Variants in HIPK3 observed in about 807,000 individuals in gnomAD.
HIPK3 encodes the protein homeodomain-interacting protein kinase 3.
HIPK3 carries 47 observed loss-of-function variants against 124.2 expected under a neutral mutation model. The ratio of observed to expected loss-of-function variants is 0.38; its 90% CI spans 0.30 to 0.48. The LOEUF (loss-of-function observed/expected upper bound fraction) is 0.48. Ranked by LOEUF, HIPK3 falls within the 20% of genes least tolerant of loss-of-function variation. The pLI, the probability that HIPK3 is intolerant of heterozygous loss-of-function variation, is 0.98. For synonymous variants in HIPK3, 482 were observed against 515.2 expected (o/e 0.94, Z 0.87); for missense variants, 1,286 against 1,454.3 (o/e 0.88, Z 1.88).
At chr11:33,256,841 C>A, upstream of HIPK3, 1 of 292,096 alleles carries the variant, frequency 3.4e-6, no homozygotes, top group Non-Finnish European at 5.1e-6. Context: ...TTGAACCTGG[C>A]TTTACAATTC....
At chr11:33,268,616 A>AG (rs1851040054) in intron 1 of HIPK3, among the ~76,000 whole-genome samples, 1 of 139,368 alleles carries the variant, frequency 7.2e-6, no homozygotes, top group Admixed American at 7.2e-5. Context: ...AAAAAAAAAA[A>AG]TTAAAAAAAG....
chr11:33,352,233 G>A lies in HIPK3; in HGVS notation c.3139G>A (p.Ala1047Thr). The change falls in exon 16 of 17, where the codon GCA becomes ACA. Residue 1047 changes from alanine (A) to threonine (T), a missense_variant. Coordinates refer to ENST00000303296, the MANE Select transcript of HIPK3 (RefSeq NM_005734.5). ...VGTRQQKLTS[A>T]FQQQHLNFSQ... ...TACTCGTCAGCAAAAATTGACATCA[G>A]CATTCCAGCAGCAGCATTTGAACTT... The A allele has an allele frequency of 6.2e-7, 1 of 1,613,996 alleles. No individual in the cohort carries two copies. Among genetic ancestry groups the A allele is most frequent in the Non-Finnish European group, 8.5e-7 (1 of 1,179,930 alleles).
chr11:33,258,305 G>T, intron 1 of HIPK3: 1 of 985,468 alleles, frequency 1.0e-6, no homozygotes, highest in East Asian at 1.1e-4. Context: ...GCAGTCCTAG[G>T]CCGTAACTAC....
intron 15 of HIPK3, 93 bp from the exon 16 acceptor site, chr11:33,352,045 A>C: frequency 7.7e-7 from 1 of 1,292,020 alleles, no homozygotes. Flanking sequence ...TAAGGCTCTC[A>C]AATCACTATT....
Position 33,356,795 on chromosome 11 carries a change from CTG to C in HIPK3, c.*3230_*3231del, listed in dbSNP as rs994116140. 1 of 152,054 alleles carries C rather than the reference CTG, an allele frequency of 6.6e-6. No individual in the cohort carries two copies. Among genetic ancestry groups the C allele is most frequent in the Non-Finnish European group, 1.5e-5 (1 of 67,954 alleles). The allele number at this position is 152,054 out of a possible 1,614,324, so 9.4% of individuals were successfully genotyped here. On this transcript the variant is annotated 3_prime_UTR_variant, in exon 17 of 17. Coordinates refer to ENST00000303296, the MANE Select transcript of HIPK3 (RefSeq NM_005734.5). ...ACTAGTTTGCCATGTAGCAATTGCA[CTG>C]TGCAATATTACAATAAGGACTGGGA...
At chr11:33,306,252 C>G (rs1028217813) in intron 2 of HIPK3, among the ~76,000 whole-genome samples, 1 of 151,970 alleles carries the variant, frequency 6.6e-6, no homozygotes, top group African/African-American at 2.4e-5. Context: ...AATTATACTT[C>G]TAATCTAAGG....
In HIPK3 at chr11:33,356,611, A is replaced by G. The variant is rs1336966292; in HGVS notation, c.*3043A>G. Reference sequence around the variant, plus strand: ...TTTTAAACTTGGACTGTGTTAAGTAAAAGTTAAATCATACACTGCAAGGTG... The same window carrying G: ...TTTTAAACTTGGACTGTGTTAAGTAGAAGTTAAATCATACACTGCAAGGTG... On this transcript the variant is annotated 3_prime_UTR_variant, in exon 17 of 17. Transcript: ENST00000303296. 1 of 152,082 alleles carries G rather than the reference A, an allele frequency of 6.6e-6. No individual in the cohort carries two copies. Among genetic ancestry groups the G allele is most frequent in the Non-Finnish European group, 1.5e-5 (1 of 67,950 alleles). 9.4% of individuals were successfully genotyped at this position (152,082 alleles called of 1,614,324 possible).
intron 2 of HIPK3, among the ~76,000 whole-genome samples, chr11:33,288,170 C>T (rs1247174242): frequency 1.3e-5 from 2 of 152,138 alleles, no homozygotes; most frequent in African/African-American, 4.8e-5. Flanking sequence ...TTCAGATATA[C>T]AGCCGGGTGC....
Position 33,287,684 on chromosome 11 carries a change from C to A in HIPK3, c.1097+173C>A, listed in dbSNP as rs532645012. Among the ~76,000 whole-genome samples the A allele has an allele frequency of 1.5e-4, 23 of 152,164 alleles. No individual in the cohort carries two copies. In the South Asian group the frequency reaches 4.8e-3, roughly 32 times the overall value. On this transcript the variant is annotated intron_variant, in intron 2 of 16. Coordinates refer to ENST00000303296, the MANE Select transcript of HIPK3 (RefSeq NM_005734.5). The stretch of plus-strand genomic sequence containing the variant: ...ATTAAAAAAAATCAAGACATAAAAT[C>A]TACCCAAGCAGGATAGAAATCTCCA...
chr11:33,281,410 C>G (rs1055757028), intron 1 of HIPK3, among the ~76,000 whole-genome samples: 1 of 152,134 alleles, frequency 6.6e-6, no homozygotes, highest in Non-Finnish European at 1.5e-5. Flanking sequence ...CTCCATATCC[C>G]CATCCACTTT....
rs1853668078 is a variant in HIPK3, at chr11:33,351,779, T to C, written c.2979T>C (p.Ser993=). 9.9e-6 allele frequency: 16 copies of C among 1,614,194 alleles called. No homozygotes were observed. Among genetic ancestry groups the C allele is most frequent in the Non-Finnish European group, 1.4e-5 (16 of 1,180,020 alleles). The change falls in exon 15 of 17, where the codon TCT becomes TCC. Residue 993 remains serine (S), a synonymous_variant. Coordinates refer to ENST00000303296, the MANE Select transcript of HIPK3 (RefSeq NM_005734.5). ...CAGAAACCAAGCCAGCTGTCTGTTCTGTTGTGGTGCCACCAGTGGAACTAG... is the reference window on the plus strand; with the variant it reads ...CAGAAACCAAGCCAGCTGTCTGTTCCGTTGTGGTGCCACCAGTGGAACTAG... ...ADTETKPAVC[S]VVVPPVELEN...
rs1160233732 is a variant in HIPK3, at chr11:33,337,079, G to A, written c.1226G>A (p.Arg409Gln). The A allele has an allele frequency of 3.1e-6, 5 of 1,594,046 alleles. No homozygotes were observed. In the African/African-American group the frequency reaches 4.1e-5, roughly 13 times the overall value. The stretch of plus-strand genomic sequence containing the variant: ...GTTCTGTAAATTATTTTTCAGATTC[G>A]ATACATTTCTCAGACTCAAGGTTTG... ...YPGALEYDQI[R>Q]YISQTQGLPG... is the part of the protein sequence containing the mutation. Residue 409 changes from arginine to glutamine, a missense_variant, in exon 4 of 17, where the codon CGA becomes CAA. Transcript: ENST00000303296.
At chr11:33,305,990 C>T (rs1852147352) in intron 2 of HIPK3, among the ~76,000 whole-genome samples, 1 of 152,158 alleles carries the variant, frequency 6.6e-6, no homozygotes, top group Admixed American at 6.5e-5. Flanking sequence ...CCTCAGCCTC[C>T]TGAGTAGTTG....
chr11:33,285,817 G>A (rs138006211), intron 1 of HIPK3, among the ~76,000 whole-genome samples: 20 of 152,028 alleles, frequency 1.3e-4, no homozygotes, highest in African/African-American at 4.3e-4. Flanking sequence ...TGTCTCACAG[G>A]CTGAAGTGCA....
chr11:33,322,063 G>A (rs1000384201), intron 2 of HIPK3, among the ~76,000 whole-genome samples: 5 of 151,910 alleles, frequency 3.3e-5, no homozygotes, highest in African/African-American at 9.7e-5. Context: ...GCAGTGGCGC[G>A]ATCTTGGCTC....
intron 2 of HIPK3, among the ~76,000 whole-genome samples, chr11:33,299,212 G>A (rs12792175): frequency 1.3e-5 from 2 of 151,646 alleles, no homozygotes; most frequent in Non-Finnish European, 2.9e-5. Flanking sequence ...GGTGGCTCAC[G>A]CCTGTAATCC....
At chr11:33,310,551 C>T (rs958806573) in intron 2 of HIPK3, among the ~76,000 whole-genome samples, 97 of 152,222 alleles carry the variant, frequency 6.4e-4, no homozygotes, top group African/African-American at 2.1e-3. Flanking sequence ...TCAAGTGATT[C>T]GCCCAGCTTG....
chr11:33,340,315 A>G (rs528680213), intron 6 of HIPK3, among the ~76,000 whole-genome samples: 23 of 152,288 alleles, frequency 1.5e-4, no homozygotes, highest in Non-Finnish European at 2.8e-4. Flanking sequence ...GGCTCAAGTG[A>G]TCCACCCACC....
chr11:33,310,006 A>G (rs545273319), intron 2 of HIPK3, among the ~76,000 whole-genome samples: 22 of 152,180 alleles, frequency 1.4e-4, no homozygotes, highest in African/African-American at 4.8e-4. Flanking sequence ...GCACATTTCT[A>G]TTGTTATTTT....
Sources: allele counts gnomAD v4.1 joint callset (sites outside exome capture counted in the v4.1 genomes callset), GRCh38; gene constraint gnomAD v4.1.1; transcripts MANE v1.5; gene names NCBI Gene and HGNC (gene_info 2026-07-23, HGNC 2026-07-21).